PLCB4: variants seen among roughly 807,000 people sequenced by gnomAD.
PLCB4 encodes phospholipase C beta 4, also known as 1-phosphatidylinositol 4,5-bisphosphate phosphodiesterase beta-4.
Under a neutral mutation model 178.8 loss-of-function variants are expected in PLCB4, and 77 were observed. The observed-to-expected ratio is 0.43, with a 90% CI of 0.36 to 0.52. The LOEUF (loss-of-function observed/expected upper bound fraction) is 0.52, where lower values mean the gene tolerates loss of function less well. PLCB4 is among the 20% of genes least tolerant of loss of function. The probability of loss-of-function intolerance (pLI) is 0.00; values close to 1 mark genes in which losing one functional copy is unlikely to be tolerated. For missense variants in PLCB4, 1,024 were observed against 1,453.4 expected, an observed-to-expected ratio of 0.70 and a Z score of 4.80; for synonymous variants, 496 against 490.8, an observed-to-expected ratio of 1.01 and a Z score of -0.14.
At chr20:9,192,931 T>C (rs2093424414) in intron 2 of PLCB4, among the ~76,000 whole-genome samples, 1 of 152,208 alleles carries the variant, frequency 6.6e-6, no homozygotes, top group African/African-American at 2.4e-5. Flanking sequence ...AAGGGGCCTA[T>C]GCAGATCTCA....
At position 9,107,919 on chromosome 20, in the gene PLCB4, G is replaced by T. The variant is rs6086775; in HGVS notation, c.-79+11577G>T. On this transcript the variant is annotated intron_variant, in intron 2 of 39. Transcript: ENST00000378473. ...TGGAGGGATGGAGGTGGTTTGAAGA[G>T]GTGAGATTCTCGATCTCTTTTGAAG... Among the ~76,000 whole-genome samples, 253 of 151,962 alleles carry T rather than the reference G, an allele frequency of 1.7e-3. 1 individual carries two copies. The highest frequency in any genetic ancestry group is 9.9e-4 in the Non-Finnish European group (67 of 67,962).
At chr20:9,116,569 C>T (rs1010446959) in intron 2 of PLCB4, among the ~76,000 whole-genome samples, 3 of 152,180 alleles carry the variant, frequency 2.0e-5, no homozygotes, top group African/African-American at 7.2e-5. Context: ...CAGACATCTG[C>T]CCTTAGGCTG....
At chr20:9,473,490 C>A in intron 38 of PLCB4, 125 bp downstream of exon 38, 1 of 475,084 alleles carries the variant, frequency 2.1e-6, no homozygotes, top group Non-Finnish European at 3.8e-6. Flanking sequence ...GAATTTGTTG[C>A]CCATTACTAT....
At chr20:9,075,324 A>T (rs562654546) in intron 1 of PLCB4, among the ~76,000 whole-genome samples, 251 of 152,318 alleles carry the variant, frequency 1.6e-3, no homozygotes, top group Non-Finnish European at 2.9e-3. Context: ...AGGCTGAGAT[A>T]TGACAAAAGC....
rs951320452 is a variant in PLCB4 at position 9,384,366 on chromosome 20, A to G, written c.1019A>G (p.Lys340Arg). 11 of 1,614,214 alleles carry G rather than the reference A, an allele frequency of 6.8e-6. No individual in the cohort carries two copies. The highest frequency in any genetic ancestry group is 9.3e-6 in the Non-Finnish European group (11 of 1,180,022). Residue 340 changes from lysine to arginine, a missense_variant, in exon 14 of 40, where the codon AAG becomes AGG. Physicochemically the swap from Lys to Arg is conservative, Grantham distance 26 (BLOSUM62 2). Around this residue, in one of 7 missense-constraint regions of PLCB4, gnomAD observed 263 missense variants for 417.4 expected, o/e 0.63. Transcript: ENST00000378473. ...TYLTGRQFGGKSSVEMYRQVL... is the reference protein window; with the variant it reads ...TYLTGRQFGGRSSVEMYRQVL... ...CTCACTGGCAGACAGTTCGGCGGGA[A>G]GTCTTCGGTAGAAATGTACAGACAG...
chr20:9,223,875 A>G (rs542128853), intron 3 of PLCB4, among the ~76,000 whole-genome samples: 1 of 152,336 alleles, frequency 6.6e-6, no homozygotes, highest in East Asian at 1.9e-4. Flanking sequence ...GATAACTACT[A>G]GTGGCCAATG....
At position 9,146,997 on chromosome 20, in the gene PLCB4, T is replaced by C. The variant is rs145007243; in HGVS notation, c.-79+50655T>C. ...GTAAGCTTTTGTGATATCAAAGTCC[T>C]CCTCTTAAGGTGTTTTGTTAATTTG... On this transcript the variant is annotated intron_variant, in intron 2 of 39. Coordinates refer to ENST00000378473, the MANE Select transcript of PLCB4 (RefSeq NM_001377142.1). Among the ~76,000 whole-genome samples the C allele has an allele frequency of 2.6e-5, 4 of 152,278 alleles. No homozygotes were observed. In the East Asian group the frequency reaches 7.7e-4, roughly 29 times the overall value.
chr20:9,443,903 A>G (rs909671760), intron 30 of PLCB4, 78 bp from the exon 31 acceptor site: 4 of 797,928 alleles, frequency 5.0e-6, no homozygotes, highest in Non-Finnish European at 6.3e-6. Flanking sequence ...TGAGATTTCG[A>G]TATGTCAGTT....
intron 1 of PLCB4, among the ~76,000 whole-genome samples, chr20:9,076,021 T>C (rs946743266): frequency 6.6e-6 from 1 of 152,152 alleles, no homozygotes; most frequent in African/African-American, 2.4e-5. Flanking sequence ...GTTGTTATGG[T>C]CATTTATTTC....
intron 2 of PLCB4, among the ~76,000 whole-genome samples, chr20:9,096,602 A>T (rs902425716): frequency 6.6e-6 from 1 of 152,210 alleles, no homozygotes; most frequent in Non-Finnish European, 1.5e-5. Flanking sequence ...TTCTCAGCAG[A>T]TCCATTTTTT....
chr20:9,191,818 G>A (rs182307620), intron 2 of PLCB4, among the ~76,000 whole-genome samples: 24 of 150,942 alleles, frequency 1.6e-4, no homozygotes, highest in Non-Finnish European at 2.2e-4. Context: ...TTTCCATCTC[G>A]AATATATTTC....
At chr20:9,452,124 C>A (rs373829572) in intron 32 of PLCB4, among the ~76,000 whole-genome samples, 1 of 152,162 alleles carries the variant, frequency 6.6e-6, no homozygotes, top group African/African-American at 2.4e-5. Flanking sequence ...AATGCTGAGG[C>A]CTTGTGCATG....
intron 20 of PLCB4, among the ~76,000 whole-genome samples, chr20:9,403,541 A>T (rs554143495): frequency 1.3e-5 from 2 of 152,374 alleles, no homozygotes; most frequent in African/African-American, 4.8e-5. Flanking sequence ...GACCCAAACC[A>T]GAAGAGGTTC....
At chr20:9,299,946 A>G (rs958003452) in intron 3 of PLCB4, among the ~76,000 whole-genome samples, 6 of 152,148 alleles carry the variant, frequency 3.9e-5, no homozygotes, top group Admixed American at 1.3e-4. Context: ...TACTCTTTGT[A>G]TGTTTTTTGA....
intron 5 of PLCB4, 130 bp downstream of exon 5, chr20:9,337,336 C>G: frequency 1.5e-6 from 1 of 669,218 alleles, no homozygotes; most frequent in Non-Finnish European, 2.7e-6. Context: ...TAAAAATGTG[C>G]CTACATGTGC....
At position 9,423,827 on chromosome 20, in the gene PLCB4, C is replaced by T. The variant is rs1278495887; in HGVS notation, c.2399C>T (p.Pro800Leu). 1.9e-6 allele frequency: 3 copies of T among 1,613,662 alleles called. No individual in the cohort carries two copies. Among genetic ancestry groups the T allele is most frequent in the Admixed American group, 1.7e-5 (1 of 59,990 alleles). The change falls in exon 28 of 40, where the codon CCG (proline) becomes CTG (leucine). Residue 800 changes from proline to leucine, a missense_variant. By Grantham distance (98) the Pro-to-Leu change is moderately conservative (BLOSUM62 -3). Around this residue, in one of 7 missense-constraint regions of PLCB4, gnomAD observed 227 missense variants for 374.3 expected, o/e 0.61. Transcript: ENST00000378473. ...NNKLIGQRIL[P>L]LDGLQAGYRH... ...AAGCTGATTGGCCAGAGGATCCTCCCGCTTGATGGCCTCCAAGCCGGATAT... is the reference window on the plus strand; with the variant it reads ...AAGCTGATTGGCCAGAGGATCCTCCTGCTTGATGGCCTCCAAGCCGGATAT...
intron 3 of PLCB4, among the ~76,000 whole-genome samples, chr20:9,281,540 A>T (rs1474217817): frequency 6.6e-6 from 1 of 152,016 alleles, no homozygotes; most frequent in Admixed American, 6.6e-5. Flanking sequence ...ACTGAACTGT[A>T]AAGCAAAATA....
At chr20:9,133,804 A>G (rs2092327558) in intron 2 of PLCB4, among the ~76,000 whole-genome samples, 1 of 152,176 alleles carries the variant, frequency 6.6e-6, no homozygotes. Flanking sequence ...CCCTGTGCAC[A>G]TGATTTTAAT....
At chr20:9,197,242 A>G (rs890693827) in intron 2 of PLCB4, among the ~76,000 whole-genome samples, 7 of 152,162 alleles carry the variant, frequency 4.6e-5, no homozygotes, top group Admixed American at 1.3e-4. Flanking sequence ...TTGTCAACCC[A>G]TAACTCACTG....
Sources: allele counts gnomAD v4.1 joint callset (sites outside exome capture counted in the v4.1 genomes callset), GRCh38; gene constraint gnomAD v4.1.1; regional missense constraint gnomAD v4.1.1; transcripts MANE v1.5; gene names NCBI Gene and HGNC (gene_info 2026-07-23, HGNC 2026-07-21).